Variants in RPRD1A observed in about 807,000 individuals in gnomAD.
The protein encoded by RPRD1A is regulation of nuclear pre-mRNA domain-containing protein 1A.
Under a neutral mutation model 37.8 loss-of-function variants are expected in RPRD1A, and 9 were observed. The observed-to-expected ratio is 0.24, with a 90% CI of 0.14 to 0.42. The LOEUF (loss-of-function observed/expected upper bound fraction) is 0.42, where lower values mean the gene tolerates loss of function less well. Ranked by LOEUF, RPRD1A falls within the 10% of genes least tolerant of loss-of-function variation. The probability of loss-of-function intolerance (pLI) is 1.00; values close to 1 mark genes in which losing one functional copy is unlikely to be tolerated. For missense variants in RPRD1A, 255 were observed against 371.0 expected, an observed-to-expected ratio of 0.69 and a Z score of 2.57; for synonymous variants, 138 against 139.7, an observed-to-expected ratio of 0.99 and a Z score of 0.08.
intron 1 of RPRD1A, chr18:36,040,908 T>C (rs1414322974): frequency 9.2e-7 from 1 of 1,087,304 alleles, no homozygotes; most frequent in Non-Finnish European, 1.3e-6. Context: ...CTACACCTTC[T>C]AGAATTAAAT....
At chr18:36,008,167 C>T (rs933971185) in intron 6 of RPRD1A, among the ~76,000 whole-genome samples, 13 of 152,070 alleles carry the variant, frequency 8.5e-5, no homozygotes, top group Non-Finnish European at 1.8e-4. Context: ...TCCTATTTAG[C>T]TGGGAGAGGC....
rs148485730 is a variant in RPRD1A, at chr18:36,029,577, C to T, written c.486+1231G>A. On this transcript the variant is annotated intron_variant, in intron 4 of 6. Transcript: ENST00000399022. ...TTTTACACTTTATCTGTCCCGCCTA[C>T]ATGTTTGAAACATAGAAGGAGGAAG... is the stretch of plus-strand genomic sequence containing the variant. Among the ~76,000 whole-genome samples the T allele has an allele frequency of 3.5e-3, 503 of 144,864 alleles. 1 individual carries two copies. The highest frequency in any genetic ancestry group is 0.013 in the African/African-American group (490 of 38,980).
chr18:36,057,227 G>C (rs1365397877), intron 1 of RPRD1A, among the ~76,000 whole-genome samples: 1 of 150,886 alleles, frequency 6.6e-6, no homozygotes, highest in Admixed American at 6.6e-5. Flanking sequence ...CAAAAAACAA[G>C]AACAACAACA....
At chr18:36,040,918 T>C (rs1232086397) in intron 1 of RPRD1A, 1 of 1,075,220 alleles carries the variant, frequency 9.3e-7, no homozygotes, top group Non-Finnish European at 1.3e-6. Context: ...TAGAATTAAA[T>C]AGTTCTTTAC....
chr18:36,035,759 T>C (rs74604380), intron 1 of RPRD1A, among the ~76,000 whole-genome samples: 3,127 of 152,286 alleles, frequency 0.021, 53 homozygotes, highest in Middle Eastern at 0.037. Flanking sequence ...TATTCAGCCT[T>C]ATAGAAGAAG....
chr18:36,054,987 G>A (rs368679234), intron 1 of RPRD1A, among the ~76,000 whole-genome samples: 2 of 152,164 alleles, frequency 1.3e-5, no homozygotes, highest in South Asian at 2.1e-4. Context: ...ACTAGGGAGG[G>A]CATCTGTTTT....
At position 36,030,891 on chromosome 18, in the gene RPRD1A, G is replaced by C. The variant is rs753702057; in HGVS notation, c.403C>G (p.Pro135Ala). ...LKQALYGDKKPRKRTYEQIKV... is the reference protein window; with the variant it reads ...LKQALYGDKKARKRTYEQIKV... ...ATCTGTTCATAAGTTCGCTTCCTAG[G>C]CTTCTTATCACCATCTGAAATGAAA... Residue 135 changes from proline to alanine, a missense_variant, in exon 4 of 7, where the codon CCT becomes GCT. Physicochemically the swap from Pro to Ala is conservative, Grantham distance 27. This residue lies in a region of RPRD1A where 211 missense variants were observed against 268.9 expected (regional missense o/e 0.78). Transcript: ENST00000399022. 1 of 1,611,656 alleles carries C rather than the reference G, an allele frequency of 6.2e-7. No homozygotes were observed. Among genetic ancestry groups the C allele is most frequent in the South Asian group, 1.1e-5 (1 of 90,788 alleles).
At chr18:36,014,600 G>A (rs1210078172) in intron 6 of RPRD1A, among the ~76,000 whole-genome samples, 1 of 152,070 alleles carries the variant, frequency 6.6e-6, no homozygotes, top group Non-Finnish European at 1.5e-5. Context: ...ACAATTAGCC[G>A]GGTGTGGTGG....
intron 6 of RPRD1A, among the ~76,000 whole-genome samples, chr18:36,006,785 G>C (rs1304902847): frequency 1.3e-5 from 2 of 152,138 alleles, no homozygotes; most frequent in Non-Finnish European, 2.9e-5. Flanking sequence ...AAATCTAGCA[G>C]GCTAAGCCCA....
intron 4 of RPRD1A, chr18:36,028,225 GATT>G (rs1911515994): frequency 6.6e-6 from 1 of 151,350 alleles, no homozygotes; most frequent in Admixed American, 6.6e-5. Flanking sequence ...TATATATTAA[GATT>G]TTTAAACTAT....
intron 6 of RPRD1A, among the ~76,000 whole-genome samples, chr18:35,993,509 T>C (rs1319427764): frequency 1.3e-5 from 2 of 152,268 alleles, no homozygotes; most frequent in Non-Finnish European, 2.9e-5. Flanking sequence ...AATCTTTAGC[T>C]GTTGCTTCAC....
At chr18:36,065,539 A>T (rs1427210972) in intron 1 of RPRD1A, among the ~76,000 whole-genome samples, 1 of 152,204 alleles carries the variant, frequency 6.6e-6, no homozygotes, top group Admixed American at 6.5e-5. Flanking sequence ...TTTTGTTATT[A>T]TGAAGCTGCA....
chr18:36,003,452 A>C (rs1909543893), intron 6 of RPRD1A, among the ~76,000 whole-genome samples: 1 of 152,236 alleles, frequency 6.6e-6, no homozygotes, highest in Non-Finnish European at 1.5e-5. Flanking sequence ...TGTTTAGGCA[A>C]AGAAAGGTAT....
intron 1 of RPRD1A, among the ~76,000 whole-genome samples, chr18:36,043,377 G>A (rs968794733): frequency 2.0e-5 from 3 of 152,112 alleles, no homozygotes; most frequent in African/African-American, 7.2e-5. Context: ...GGCTTCTCCT[G>A]TATCAATGCT....
At chr18:36,011,557 A>G (rs1910180434) in intron 6 of RPRD1A, among the ~76,000 whole-genome samples, 1 of 152,156 alleles carries the variant, frequency 6.6e-6, no homozygotes, top group Non-Finnish European at 1.5e-5. Context: ...TCGACAAGCT[A>G]AAACATTGAT....
intron 2 of RPRD1A, among the ~76,000 whole-genome samples, chr18:36,031,555 G>C (rs1911790953): frequency 6.6e-6 from 1 of 152,050 alleles, no homozygotes. Flanking sequence ...GACAGACCTG[G>C]CCCTGTTTAA....
chr18:35,995,259 T>C (rs1908963202), intron 6 of RPRD1A, among the ~76,000 whole-genome samples: 1 of 148,230 alleles, frequency 6.7e-6, no homozygotes, highest in African/African-American at 2.5e-5. Context: ...TTGCTTTTTT[T>C]CGTTTTTTTT....
intron 6 of RPRD1A, among the ~76,000 whole-genome samples, chr18:36,024,720 T>C (rs1451466690): frequency 6.6e-6 from 1 of 152,146 alleles, no homozygotes; most frequent in East Asian, 1.9e-4. Flanking sequence ...TAGATGAAAA[T>C]TACTTGATAG....
intron 6 of RPRD1A, among the ~76,000 whole-genome samples, chr18:36,017,729 A>G (rs868719426): frequency 1.8e-4 from 27 of 152,348 alleles, no homozygotes; most frequent in Middle Eastern, 3.4e-3. Flanking sequence ...TTGATATTAC[A>G]TTTCCATTCC....
Sources: gnomAD v4.1 joint callset for allele counts (sites outside exome capture counted in the v4.1 genomes callset) on GRCh38, gnomAD v4.1.1 for gene constraint, gnomAD v4.1.1 regional missense constraint, MANE v1.5 for transcripts, NCBI Gene and HGNC (gene_info 2026-07-23, HGNC 2026-07-21) for gene names.